Variants in TRMT9B observed in about 807,000 individuals in gnomAD.
TRMT9B encodes probable tRNA methyltransferase 9B.
TRMT9B carries 16 observed loss-of-function variants against 11.5 expected under a neutral mutation model. The observed-to-expected ratio is 1.39, with a 90% CI of 0.94 to 2.11. TRMT9B has a LOEUF of 2.11. Among genes scored for constraint, TRMT9B ranks in the 30% most tolerant of loss-of-function variants. The pLI, the probability that TRMT9B is intolerant of heterozygous loss-of-function variation, is 0.00. For missense variants in TRMT9B, 941 were observed against 553.8 expected (o/e 1.70, Z -7.02); for synonymous variants, 274 against 192.4 (o/e 1.42, Z -3.51).
rs80339602 is a variant in TRMT9B at position 13,019,829 on chromosome 8, G to A, written c.329-1179G>A. 6.6e-4 allele frequency among the ~76,000 whole-genome samples: 101 copies of A among 152,298 alleles called. No individual in the cohort carries two copies. In the East Asian group the frequency reaches 0.015, roughly 22 times the overall value. On this transcript the variant is annotated intron_variant, in intron 4 of 4. Transcript: ENST00000524591. ...TTTAAAGATCACAAAACTAGTTACC[G>A]AAAGTTCTAGCAGAATGAAATACAC...
At chr8:12,946,280 G>A (rs959394671) in intron 1 of TRMT9B, among the ~76,000 whole-genome samples, 1 of 152,158 alleles carries the variant, frequency 6.6e-6, no homozygotes, top group Non-Finnish European at 1.5e-5. Context: ...TTGGCAATCA[G>A]AAGAGCAGAT....
chr8:12,971,298 G>C (rs1266633498), intron 1 of TRMT9B, among the ~76,000 whole-genome samples: 1 of 150,888 alleles, frequency 6.6e-6, no homozygotes, highest in Non-Finnish European at 1.5e-5. Context: ...TTATTTCTAA[G>C]AGGAAAGAGC....
intron 1 of TRMT9B, among the ~76,000 whole-genome samples, chr8:12,964,390 G>C (rs367893416): frequency 2.0e-5 from 3 of 152,150 alleles, no homozygotes; most frequent in East Asian, 1.9e-4. Context: ...TTTCCATCCT[G>C]CCGCAGGAAC....
chr8:12,990,891 A>G lies in TRMT9B; in HGVS notation c.-142A>G, dbSNP rs1563374063. 1 of 1,289,582 alleles carries G rather than the reference A, an allele frequency of 7.8e-7. No homozygotes were observed. Among genetic ancestry groups the G allele is most frequent in the South Asian group, 1.2e-5 (1 of 81,002 alleles). 79.9% of individuals were successfully genotyped at this position (1,289,582 alleles called of 1,614,324 possible). ...GGTTTATCATGAGAAGGACCGCACT[A>G]TTTCATTTCACTCCTACAAGTTTTC... On this transcript the variant is annotated 5_prime_UTR_variant, in exon 2 of 5. Coordinates refer to ENST00000524591, the MANE Select transcript of TRMT9B (RefSeq NM_020844.3).
chr8:12,996,848 C>A (rs1808432866), intron 2 of TRMT9B, among the ~76,000 whole-genome samples: 1 of 152,160 alleles, frequency 6.6e-6, no homozygotes, highest in Non-Finnish European at 1.5e-5. Flanking sequence ...CACCTCCCAA[C>A]CCCCAGTGCT....
intron 4 of TRMT9B, among the ~76,000 whole-genome samples, chr8:13,015,443 C>G (rs975184489): frequency 1.3e-5 from 2 of 152,130 alleles, no homozygotes; most frequent in Non-Finnish European, 2.9e-5. Flanking sequence ...CCTCTACCTC[C>G]TGGTCTCAGG....
chr8:12,946,599 A>T (rs1477537162), intron 1 of TRMT9B, among the ~76,000 whole-genome samples: 1 of 152,164 alleles, frequency 6.6e-6, no homozygotes, highest in Non-Finnish European at 1.5e-5. Context: ...AGAGCATGGG[A>T]TCTGCAGGTT....
intron 1 of TRMT9B, among the ~76,000 whole-genome samples, chr8:12,973,339 C>T (rs1188071720): frequency 1.3e-5 from 2 of 152,098 alleles, no homozygotes; most frequent in Non-Finnish European, 2.9e-5. Context: ...AGGTATTTCT[C>T]CCCATCCTCA....
chr8:12,988,442 T>C (rs1195738195), intron 1 of TRMT9B, among the ~76,000 whole-genome samples: 2 of 152,230 alleles, frequency 1.3e-5, no homozygotes, highest in Non-Finnish European at 2.9e-5. Flanking sequence ...AGGCTACTAA[T>C]AAAGACATAC....
rs1340964010 is a variant in TRMT9B, at chr8:12,996,365, T to A, written c.-2+5334T>A. ...TTCTTTACTGGGAGCAAATGGACTC[T>A]ATTCTTGGCTGGTTACTGGATAATC... is the stretch of plus-strand genomic sequence containing the variant. On this transcript the variant is annotated intron_variant, in intron 2 of 4. Coordinates refer to ENST00000524591, the MANE Select transcript of TRMT9B (RefSeq NM_020844.3). 2.6e-5 allele frequency among the ~76,000 whole-genome samples: 4 copies of A among 152,360 alleles called. No individual in the cohort carries two copies. In the South Asian group the frequency reaches 8.3e-4, roughly 32 times the overall value.
intron 3 of TRMT9B, 105 bp downstream of exon 3, chr8:13,006,461 T>C (rs1810493423): frequency 3.8e-6 from 6 of 1,567,924 alleles, no homozygotes; most frequent in South Asian, 2.5e-5. Flanking sequence ...GGCAGCCTCA[T>C]TGCTGTCATA....
chr8:13,021,662 G>A lies in TRMT9B; in HGVS notation c.983G>A (p.Gly328Asp), dbSNP rs1585434255. The A allele has an allele frequency of 5.0e-6, 8 of 1,613,836 alleles. No individual in the cohort carries two copies. The Middle Eastern group carries it at 6.6e-4, about 133-fold the overall frequency. The change falls in exon 5 of 5, where the codon GGC becomes GAC. Residue 328 changes from glycine (G) to aspartate (D), a missense_variant. By Grantham distance (94) the Gly-to-Asp change is moderately conservative (BLOSUM62 -1). Transcript: ENST00000524591. ...GKHLEWLRAP[G>D]TLKHLNGDHQ... Reference sequence around the variant, plus strand: ...CACTTGGAGTGGCTGAGAGCACCAGGCACTCTGAAACATTTAAATGGAGAC... The same window carrying A: ...CACTTGGAGTGGCTGAGAGCACCAGACACTCTGAAACATTTAAATGGAGAC...
chr8:12,978,021 C>A lies in TRMT9B; in HGVS notation c.-199-12813C>A, dbSNP rs543163819. ...TCGAGCCTGCATGACAGAGCGAGACCCTGTCTCCAAAAAAAGTAGATGGAT... is the reference window on the plus strand; with the variant it reads ...TCGAGCCTGCATGACAGAGCGAGACACTGTCTCCAAAAAAAGTAGATGGAT... On this transcript the variant is annotated intron_variant, in intron 1 of 4. Coordinates refer to ENST00000524591, the MANE Select transcript of TRMT9B (RefSeq NM_020844.3). Among the ~76,000 whole-genome samples the A allele has an allele frequency of 3.9e-5, 6 of 152,094 alleles. No individual in the cohort carries two copies. In the East Asian group the frequency reaches 1.2e-3, roughly 29 times the overall value.
chr8:12,997,243 A>G (rs1401695047), intron 2 of TRMT9B, among the ~76,000 whole-genome samples: 2 of 152,004 alleles, frequency 1.3e-5, no homozygotes, highest in Non-Finnish European at 2.9e-5. Flanking sequence ...ATGGCTTGGC[A>G]TCCTCCTTAT....
intron 1 of TRMT9B, among the ~76,000 whole-genome samples, chr8:12,972,510 G>A (rs1282849782): frequency 3.9e-5 from 6 of 152,168 alleles, no homozygotes; most frequent in Non-Finnish European, 8.8e-5. Context: ...GCTGTTGCTG[G>A]CCAACTCTGG....
intron 1 of TRMT9B, among the ~76,000 whole-genome samples, chr8:12,981,890 A>G (rs1052458285): frequency 1.3e-5 from 2 of 152,128 alleles, no homozygotes; most frequent in Admixed American, 6.6e-5. Flanking sequence ...CAACGTTTTC[A>G]TCAATCTGTA....
At chr8:13,012,567 T>C in intron 3 of TRMT9B, 117 bp from the exon 4 acceptor site, 2 of 1,300,794 alleles carry the variant, frequency 1.5e-6, no homozygotes, top group South Asian at 1.6e-5. Context: ...TGAGGGAGAC[T>C]CTGTCTCAAA....
At chr8:13,012,242 C>G (rs1278560404) in intron 3 of TRMT9B, 9 of 985,028 alleles carry the variant, frequency 9.1e-6, no homozygotes, top group Non-Finnish European at 1.1e-5. Flanking sequence ...TTTGTGAATA[C>G]CTTCACACCA....
intron 1 of TRMT9B, among the ~76,000 whole-genome samples, chr8:12,966,861 C>G (rs778409739): frequency 3.9e-5 from 6 of 152,230 alleles, no homozygotes; most frequent in African/African-American, 9.6e-5. Context: ...CCTTGTTTTC[C>G]CAGAGGAGCA....
Sources: allele counts gnomAD v4.1 joint callset (sites outside exome capture counted in the v4.1 genomes callset), GRCh38; gene constraint gnomAD v4.1.1; transcripts MANE v1.5; gene names NCBI Gene and HGNC (gene_info 2026-07-23, HGNC 2026-07-21).